Variants in ANKRD44 observed in about 807,000 individuals in gnomAD.
ANKRD44 encodes the protein serine/threonine-protein phosphatase 6 regulatory ankyrin repeat subunit B.
A neutral mutation model predicts 116.0 loss-of-function variants in ANKRD44; 35 were observed. That is an observed-to-expected ratio of 0.30 (90% CI 0.23 to 0.40). The LOEUF is 0.40. Ranked by LOEUF, ANKRD44 falls within the 10% of genes least tolerant of loss-of-function variation. The pLI is 1.00. For missense variants in ANKRD44, 1,014 were observed against 1,242.6 expected, an observed-to-expected ratio of 0.82 and a Z score of 2.77; for synonymous variants, 435 against 461.8, an observed-to-expected ratio of 0.94 and a Z score of 0.74.
intron 1 of ANKRD44, among the ~76,000 whole-genome samples, chr2:197,254,747 T>C (rs1416774827): frequency 1.4e-5 from 2 of 144,960 alleles, no homozygotes; most frequent in African/African-American, 2.6e-5. Context: ...TAGACACACA[T>C]ACATACACAC....
At chr2:197,095,926 T>A (rs2078151047) in intron 10 of ANKRD44, among the ~76,000 whole-genome samples, 1 of 152,204 alleles carries the variant, frequency 6.6e-6, no homozygotes, top group Non-Finnish European at 1.5e-5. Flanking sequence ...ATTAATTTGC[T>A]AGCGTCAAAA....
chr2:197,013,563 T>A lies in ANKRD44; in HGVS notation c.1872A>T (p.Ala624=), dbSNP rs1474036654. 1 of 1,614,222 alleles carries A rather than the reference T, an allele frequency of 6.2e-7. No homozygotes were observed. Among genetic ancestry groups the A allele is most frequent in the South Asian group, 1.1e-5 (1 of 91,088 alleles). ...TTACATTGTCTTTCACAAAGATGGA[T>A]GCGCCCTGATTGATAAGCGCTTCCA... ...ECVEALINQG[A]SIFVKDNVTK... is the part of the protein sequence containing the mutation. Residue 624 remains alanine, a synonymous_variant, in exon 18 of 28, where the codon GCA becomes GCT. Transcript: ENST00000282272.
chr2:197,009,897 T>C (rs971783423), intron 18 of ANKRD44, among the ~76,000 whole-genome samples: 1 of 152,124 alleles, frequency 6.6e-6, no homozygotes. Context: ...ATGGGACTAA[T>C]AATCTCTCCC....
At chr2:197,125,278 G>C in intron 6 of ANKRD44, 103 bp downstream of exon 6, 1 of 1,103,506 alleles carries the variant, frequency 9.1e-7, no homozygotes, top group Non-Finnish European at 1.4e-6. Flanking sequence ...ACCCAAGCTT[G>C]AAAAGAAGTC....
intron 21 of ANKRD44, among the ~76,000 whole-genome samples, chr2:197,005,176 T>G (rs2076180971): frequency 6.6e-6 from 1 of 152,200 alleles, no homozygotes; most frequent in African/African-American, 2.4e-5. Flanking sequence ...TTGGAATTGG[T>G]ATAATTAGGA....
chr2:197,067,113 C>T (rs2077451214), intron 16 of ANKRD44, among the ~76,000 whole-genome samples: 1 of 152,084 alleles, frequency 6.6e-6, no homozygotes, highest in African/African-American at 2.4e-5. Flanking sequence ...AGAACAGAGC[C>T]CTCAGAAATA....
chr2:196,999,583 T>TTTAC (rs1483390698), intron 23 of ANKRD44, among the ~76,000 whole-genome samples: 3 of 149,284 alleles, frequency 2.0e-5, no homozygotes, highest in African/African-American at 7.3e-5. Context: ...TATTTATTTA[T>TTTAC]TTATTTATTT....
chr2:197,088,837 A>G (rs778281988), intron 11 of ANKRD44, 63 bp from the exon 12 acceptor site: 7 of 1,544,860 alleles, frequency 4.5e-6, no homozygotes, highest in Non-Finnish European at 6.2e-6. Context: ...TCCTAGTTAA[A>G]CCACAAGAAA....
At chr2:197,238,462 G>T (rs1029894003) in intron 1 of ANKRD44, among the ~76,000 whole-genome samples, 6 of 152,154 alleles carry the variant, frequency 3.9e-5, no homozygotes, top group Non-Finnish European at 7.3e-5. Flanking sequence ...AGGTGAATCT[G>T]GTTGTATCTT....
chr2:197,248,677 C>T (rs1455441643), intron 1 of ANKRD44, among the ~76,000 whole-genome samples: 1 of 151,400 alleles, frequency 6.6e-6, no homozygotes, highest in African/African-American at 2.4e-5. Context: ...AGAACTCTGT[C>T]TAATGCAGGG....
chr2:197,166,793 T>C (rs1310726808), intron 2 of ANKRD44, among the ~76,000 whole-genome samples: 1 of 152,192 alleles, frequency 6.6e-6, no homozygotes, highest in Non-Finnish European at 1.5e-5. Context: ...TGGCCACCAA[T>C]GCTCACACTC....
intron 1 of ANKRD44, among the ~76,000 whole-genome samples, chr2:197,278,501 C>T (rs2083164000): frequency 2.0e-5 from 3 of 152,070 alleles, no homozygotes; most frequent in Admixed American, 6.5e-5. Flanking sequence ...GGACTACAGG[C>T]ACGCACCACC....
At chr2:196,976,262 G>A (rs956084551) in intron 21 of ANKRD44, among the ~76,000 whole-genome samples, 2 of 151,828 alleles carry the variant, frequency 1.3e-5, no homozygotes, top group Admixed American at 6.6e-5. Context: ...TCAGCCTCCC[G>A]AGTAGCTGGG....
At chr2:197,069,307 G>A (rs577875922) in intron 16 of ANKRD44, among the ~76,000 whole-genome samples, 1 of 152,222 alleles carries the variant, frequency 6.6e-6, no homozygotes, top group African/African-American at 2.4e-5. Context: ...TGTGGGGTGG[G>A]GGGAGTGGGG....
At chr2:197,072,409 G>A (rs561265292) in intron 16 of ANKRD44, among the ~76,000 whole-genome samples, 1 of 152,318 alleles carries the variant, frequency 6.6e-6, no homozygotes, top group South Asian at 2.1e-4. Flanking sequence ...AGAAAACATG[G>A]AGGACCAGTT....
At chr2:197,245,287 A>T (rs1422371478) in intron 1 of ANKRD44, among the ~76,000 whole-genome samples, 2 of 152,166 alleles carry the variant, frequency 1.3e-5, no homozygotes, top group Non-Finnish European at 2.9e-5. Context: ...AAATAAAAAG[A>T]TATAGTATAA....
chr2:196,974,926 T>C (rs1414842178), intron 21 of ANKRD44, among the ~76,000 whole-genome samples: 1 of 150,990 alleles, frequency 6.6e-6, no homozygotes, highest in Non-Finnish European at 1.5e-5. Flanking sequence ...GAGTAAACTA[T>C]ACCCAAAGTA....
At chr2:197,102,441 T>C (rs983448822) in intron 9 of ANKRD44, among the ~76,000 whole-genome samples, 11 of 152,210 alleles carry the variant, frequency 7.2e-5, no homozygotes, top group Non-Finnish European at 1.3e-4. Flanking sequence ...CAGCACAGTA[T>C]GAGAGGCACT....
chr2:197,053,585 G>A (rs970845416), intron 16 of ANKRD44, among the ~76,000 whole-genome samples: 5 of 152,132 alleles, frequency 3.3e-5, no homozygotes, highest in Non-Finnish European at 7.4e-5. Context: ...CTGGGTTCAA[G>A]TGATTCTCCT....
Sources: gnomAD v4.1 joint callset for allele counts (sites outside exome capture counted in the v4.1 genomes callset) on GRCh38, gnomAD v4.1.1 for gene constraint, MANE v1.5 for transcripts, NCBI Gene and HGNC (gene_info 2026-07-23, HGNC 2026-07-21) for gene names.